SBF2: variants seen among roughly 807,000 people sequenced by gnomAD.
SBF2 encodes the protein myotubularin-related protein 13.
A neutral mutation model predicts 225.2 loss-of-function variants in SBF2; 112 were observed. That is an observed-to-expected ratio of 0.50 (90% CI 0.43 to 0.58). The LOEUF is 0.58. Ranked by LOEUF, SBF2 falls within the 20% of genes least tolerant of loss-of-function variation. The pLI is 0.00. For missense variants in SBF2, 1,996 were observed against 2,206.2 expected (o/e 0.90, Z 1.91); for synonymous variants, 763 against 773.3 (o/e 0.99, Z 0.22).
chr11:10,221,301 A>T (rs1958331773), intron 1 of SBF2, among the ~76,000 whole-genome samples: 1 of 151,644 alleles, frequency 6.6e-6, no homozygotes, highest in Non-Finnish European at 1.5e-5. Context: ...TATTTTTAGT[A>T]GAGATAGTGT....
chr11:10,106,384 T>A (rs1442026809), intron 2 of SBF2, among the ~76,000 whole-genome samples: 1 of 152,164 alleles, frequency 6.6e-6, no homozygotes, highest in African/African-American at 2.4e-5. Flanking sequence ...CCCAGGACTT[T>A]GGGAGGCCGA....
chr11:10,178,667 T>C (rs1329940715), intron 2 of SBF2, among the ~76,000 whole-genome samples: 3 of 144,306 alleles, frequency 2.1e-5, no homozygotes, highest in African/African-American at 5.2e-5. Flanking sequence ...CCAGTTAGAA[T>C]GGCGATCATT....
chr11:10,052,245 T>G (rs892526493), intron 2 of SBF2, among the ~76,000 whole-genome samples: 2 of 152,110 alleles, frequency 1.3e-5, no homozygotes. Flanking sequence ...TGCCCTCCTT[T>G]TTTCAAGTCA....
chr11:10,140,418 A>C (rs1052005942), intron 2 of SBF2, among the ~76,000 whole-genome samples: 2 of 152,180 alleles, frequency 1.3e-5, no homozygotes, highest in Non-Finnish European at 2.9e-5. Flanking sequence ...TGAGGCCTCC[A>C]CAAAACCCCA....
Position 9,851,151 on chromosome 11 carries a change from AAC to A in SBF2, c.2611-935_2611-934del, listed in dbSNP as rs1441882018. ...ACTCCATCTCAAAAAAAAAAAAAACAACAACAAAAAAAAACCCAGAATACATA... is the reference window on the plus strand; with the variant it reads ...ACTCCATCTCAAAAAAAAAAAAAACAAACAAAAAAAAACCCAGAATACATA... On this transcript the variant is annotated intron_variant, in intron 21 of 39. Transcript: ENST00000256190. 5.7e-3 allele frequency among the ~76,000 whole-genome samples: 532 copies of A among 92,952 alleles called. 11 individuals carry two copies. Among genetic ancestry groups the A allele is most frequent in the South Asian group, 8.8e-3 (23 of 2,604 alleles). 61.0% of individuals were successfully genotyped at this position (92,952 alleles called of 152,430 possible).
chr11:9,868,366 A>AAAAAAAAAAAAAAAAAAAAAAAAAAAG (rs1554933292), intron 17 of SBF2, among the ~76,000 whole-genome samples: 1 of 114,868 alleles, frequency 8.7e-6, no homozygotes, highest in Non-Finnish European at 1.8e-5. Context: ...AAAAAAAAAA[A>AAAAAAAAAAAAAAAAAAAAAAAAAAAG]AATTAGGCGG....
At chr11:10,117,440 CAAAAAAA>C (rs57722094) in intron 2 of SBF2, among the ~76,000 whole-genome samples, 1 of 40,906 alleles carries the variant, frequency 2.4e-5, no homozygotes, top group Non-Finnish European at 5.9e-5. Context: ...GAATCCAACT[CAAAAAAA>C]AAAAAAAAAA....
chr11:10,033,948 C>T (rs187406221), intron 3 of SBF2, among the ~76,000 whole-genome samples: 41 of 152,178 alleles, frequency 2.7e-4, no homozygotes, highest in African/African-American at 9.6e-4. Context: ...AAAACATAGT[C>T]TATGAATATG....
intron 2 of SBF2, among the ~76,000 whole-genome samples, chr11:10,106,456 A>G (rs1342441050): frequency 6.6e-6 from 1 of 151,946 alleles, no homozygotes; most frequent in Non-Finnish European, 1.5e-5. Flanking sequence ...GCGAAACCCC[A>G]TCTCTACTAA....
At chr11:10,154,897 C>T (rs934718309) in intron 2 of SBF2, among the ~76,000 whole-genome samples, 4 of 152,126 alleles carry the variant, frequency 2.6e-5, no homozygotes, top group Admixed American at 1.3e-4. Flanking sequence ...CACCAATACA[C>T]ATACAATGTA....
At chr11:10,266,034 T>A (rs572804466) in intron 1 of SBF2, among the ~76,000 whole-genome samples, 1 of 152,174 alleles carries the variant, frequency 6.6e-6, no homozygotes, top group East Asian at 1.9e-4. Context: ...AACCTGCCAT[T>A]TTTTTTAGTA....
At chr11:10,112,595 C>T (rs11042631) in intron 2 of SBF2, among the ~76,000 whole-genome samples, 3,055 of 152,288 alleles carry the variant, frequency 0.02, 78 homozygotes, top group African/African-American at 0.06. Context: ...CACTACCAGA[C>T]AAGGACAATG....
At chr11:10,286,165 C>T (rs946906462) in intron 1 of SBF2, among the ~76,000 whole-genome samples, 11 of 113,396 alleles carry the variant, frequency 9.7e-5, no homozygotes, top group Non-Finnish European at 1.4e-4. Context: ...AACACGCACA[C>T]GCACACACAC....
At chr11:10,072,734 C>T (rs60518375) in intron 2 of SBF2, among the ~76,000 whole-genome samples, 41,592 of 118,660 alleles carry the variant, frequency 0.35, 6,422 homozygotes, top group Non-Finnish European at 0.39. Context: ...TTTTTTTTTT[C>T]TTTTTTTTTT....
In SBF2 at chr11:9,841,795, A is replaced by G. The variant is rs570624455; in HGVS notation, c.3256+830T>C. 1.3e-4 allele frequency among the ~76,000 whole-genome samples: 20 copies of G among 152,212 alleles called. No individual in the cohort carries two copies. In the Middle Eastern group the frequency reaches 0.01, roughly 78 times the overall value. The stretch of plus-strand genomic sequence containing the variant: ...GTGATCTGCCTGCCTCAGCCTCCCA[A>G]AGTGCTGGGATTACAGGCATGAGCC... On this transcript the variant is annotated intron_variant, in intron 25 of 39. Coordinates refer to ENST00000256190, the MANE Select transcript of SBF2 (RefSeq NM_030962.4).
chr11:9,986,092 CCA>C (rs1947185979), intron 13 of SBF2, among the ~76,000 whole-genome samples: 1 of 152,118 alleles, frequency 6.6e-6, no homozygotes, highest in Admixed American at 6.5e-5. Flanking sequence ...CTCTCTCAAA[CCA>C]CAGTGGAATA....
At chr11:10,207,494 C>T (rs1273556399) in intron 1 of SBF2, among the ~76,000 whole-genome samples, 2 of 152,104 alleles carry the variant, frequency 1.3e-5, no homozygotes, top group Non-Finnish European at 2.9e-5. Context: ...TAAACCTCTT[C>T]CCAGGGCAAT....
intron 17 of SBF2, among the ~76,000 whole-genome samples, chr11:9,887,081 T>C (rs1335690628): frequency 2.0e-5 from 3 of 152,076 alleles, no homozygotes; most frequent in South Asian, 4.1e-4. Flanking sequence ...GTAGGCTGCC[T>C]CATTTTTCTG....
chr11:9,788,006 T>C (rs1852486564), intron 35 of SBF2: 1 of 481,672 alleles, frequency 2.1e-6, no homozygotes, highest in Non-Finnish European at 3.8e-6. Context: ...ATGTGAAATA[T>C]GTATCTCAGA....
Sources: allele counts gnomAD v4.1 joint callset (sites outside exome capture counted in the v4.1 genomes callset), GRCh38; gene constraint gnomAD v4.1.1; transcripts MANE v1.5; gene names NCBI Gene and HGNC (gene_info 2026-07-23, HGNC 2026-07-21).